The following CDH9 variants were observed in gnomAD, a reference collection of about 807,000 sequenced individuals.
The protein encoded by CDH9 is cadherin-9.
A neutral mutation model predicts 70.9 loss-of-function variants in CDH9; 28 were observed. The observed-to-expected ratio is 0.40, with a 90% CI of 0.29 to 0.54. CDH9 has a LOEUF of 0.54. Among genes scored for constraint, CDH9 ranks in the 20% least tolerant of loss-of-function variants. The pLI is 0.59. For missense variants in CDH9, 874 were observed against 984.4 expected (o/e 0.89, Z 1.50); for synonymous variants, 409 against 343.1 (o/e 1.19, Z -2.12).
chr5:26,979,008 C>T (rs180941270), intron 2 of CDH9, among the ~76,000 whole-genome samples: 8 of 151,708 alleles, frequency 5.3e-5, no homozygotes, highest in Admixed American at 6.6e-5. Flanking sequence ...TGAAAGAATC[C>T]TTCAAGTTGA....
intron 3 of CDH9, among the ~76,000 whole-genome samples, chr5:26,915,414 C>T (rs1741131116): frequency 6.6e-6 from 1 of 151,856 alleles, no homozygotes; most frequent in African/African-American, 2.4e-5. Context: ...AATGAATTAA[C>T]TGCTATTGAT....
chr5:27,035,359 C>A (rs1401849011), intron 1 of CDH9, among the ~76,000 whole-genome samples: 1 of 151,350 alleles, frequency 6.6e-6, no homozygotes, highest in African/African-American at 2.4e-5. Flanking sequence ...TTCGGGATAT[C>A]TTTGTAAAGA....
At chr5:26,944,544 T>C (rs1249569472) in intron 2 of CDH9, among the ~76,000 whole-genome samples, 1 of 152,072 alleles carries the variant, frequency 6.6e-6, no homozygotes, top group Non-Finnish European at 1.5e-5. Flanking sequence ...TTCCAGCTAC[T>C]CAGGAGCCTG....
In CDH9 at chr5:26,907,081, T is replaced by C. The variant is rs558783733; in HGVS notation, c.524-243A>G. On this transcript the variant is annotated intron_variant, in intron 3 of 11. Transcript: ENST00000231021. ...CAAAATATATTATCAGTAAGGTGAA[T>C]ATAATAAGACTAATTAATGCATCAC... is the stretch of plus-strand genomic sequence containing the variant. 7.2e-5 allele frequency among the ~76,000 whole-genome samples: 11 copies of C among 152,290 alleles called. No homozygotes were observed. In the South Asian group the frequency reaches 1.4e-3, roughly 20 times the overall value.
chr5:27,001,543 A>G (rs1742768282), intron 1 of CDH9, among the ~76,000 whole-genome samples: 1 of 152,140 alleles, frequency 6.6e-6, no homozygotes, highest in African/African-American at 2.4e-5. Flanking sequence ...AAAATCATTT[A>G]TTTTAATATA....
intron 2 of CDH9, among the ~76,000 whole-genome samples, chr5:26,916,920 G>A (rs1321516061): frequency 6.6e-6 from 1 of 151,830 alleles, no homozygotes; most frequent in Non-Finnish European, 1.5e-5. Context: ...TATGAACTAT[G>A]TCTTAGGAAA....
At chr5:26,970,673 C>A (rs983753313) in intron 2 of CDH9, among the ~76,000 whole-genome samples, 1 of 151,918 alleles carries the variant, frequency 6.6e-6, no homozygotes, top group Non-Finnish European at 1.5e-5. Flanking sequence ...GGAATTTATG[C>A]AATTGTAATC....
intron 2 of CDH9, among the ~76,000 whole-genome samples, chr5:26,935,166 A>G (rs1317769266): frequency 6.6e-6 from 1 of 152,168 alleles, no homozygotes; most frequent in Non-Finnish European, 1.5e-5. Context: ...AAAAGTACTT[A>G]ACAGTTTCCA....
At chr5:26,914,714 T>C (rs1487839545) in intron 3 of CDH9, among the ~76,000 whole-genome samples, 1 of 152,042 alleles carries the variant, frequency 6.6e-6, no homozygotes, top group Non-Finnish European at 1.5e-5. Flanking sequence ...TCTCCTTCTA[T>C]AGAAATTATT....
At chr5:27,000,243 A>G (rs1742741279) in intron 1 of CDH9, among the ~76,000 whole-genome samples, 1 of 152,176 alleles carries the variant, frequency 6.6e-6, no homozygotes, top group South Asian at 2.1e-4. Context: ...GAAGATATAC[A>G]TATGAGAAAT....
chr5:27,031,007 T>C (rs1303799639), intron 1 of CDH9, among the ~76,000 whole-genome samples: 3 of 151,870 alleles, frequency 2.0e-5, no homozygotes, highest in Non-Finnish European at 4.4e-5. Context: ...AGGCTAACAT[T>C]GGTTACAAAT....
intron 1 of CDH9, among the ~76,000 whole-genome samples, chr5:27,029,875 G>A (rs1052943506): frequency 5.3e-5 from 8 of 151,860 alleles, no homozygotes; most frequent in Non-Finnish European, 7.4e-5. Context: ...GGCTGACATC[G>A]CTATGACATG....
chr5:26,941,844 A>T (rs1176137159), intron 2 of CDH9, among the ~76,000 whole-genome samples: 2 of 152,176 alleles, frequency 1.3e-5, no homozygotes, highest in Admixed American at 6.5e-5. Context: ...TATTTCTTAC[A>T]GTTATGGAGG....
chr5:26,968,355 G>A (rs13357379), intron 2 of CDH9, among the ~76,000 whole-genome samples: 4,799 of 151,810 alleles, frequency 0.032, 268 homozygotes, highest in African/African-American at 0.11. Context: ...GCGCAATCTC[G>A]GCTCACTGCA....
In CDH9 at chr5:26,890,385, TGATGAAAGACAGTGTCTTCGGGTA is replaced by T. The variant is rs1289239633; in HGVS notation, c.1390+19_1390+42del. ...AGCTGGTGCTATTATTTTACCACTT[TGATGAAAGACAGTGTCTTCGGGTA>T]GATGTAGCTCCAACTTACTTATTTC... On this transcript the variant is annotated intron_variant, in intron 8 of 11. Transcript: ENST00000231021. The T allele has an allele frequency of 6.4e-7, 1 of 1,573,286 alleles. No individual in the cohort carries two copies. Among genetic ancestry groups the T allele is most frequent in the Non-Finnish European group, 8.7e-7 (1 of 1,144,304 alleles).
At position 26,906,942 on chromosome 5, in the gene CDH9, G is replaced by A. The variant is rs1046079001; in HGVS notation, c.524-104C>T. On this transcript the variant is annotated intron_variant, in intron 3 of 11. Coordinates refer to ENST00000231021, the MANE Select transcript of CDH9 (RefSeq NM_016279.4). ...CTCTCAGTGTTTTGTATTAGACGAT[G>A]TTGTATGTTTGAAGAAATTTATTTA... is the stretch of plus-strand genomic sequence containing the variant. The A allele has an allele frequency of 1.0e-5, 14 of 1,340,826 alleles. No homozygotes were observed. The African/African-American group carries it at 1.8e-4, about 17-fold the overall frequency. The allele number at this position is 1,340,826 out of a possible 1,614,324, so 83.1% of individuals were successfully genotyped here. A position where few individuals can be genotyped will look rare whatever the true frequency, so the allele number is the denominator to read the frequency against.
intron 2 of CDH9, among the ~76,000 whole-genome samples, chr5:26,983,383 ACTG>A (rs1240951286): frequency 6.6e-6 from 1 of 152,190 alleles, no homozygotes; most frequent in Admixed American, 6.5e-5. Flanking sequence ...TATTGTATAA[ACTG>A]CTTCTGATCA....
At chr5:26,923,236 AAAC>A (rs143075955) in intron 2 of CDH9, among the ~76,000 whole-genome samples, 45,601 of 151,046 alleles carry the variant, frequency 0.3, 8,937 homozygotes, top group Non-Finnish European at 0.44. Context: ...ATGCCAGTAA[AAAC>A]AACAACAACA....
At chr5:26,884,792 A>G (rs531888268) in intron 11 of CDH9, among the ~76,000 whole-genome samples, 1 of 152,284 alleles carries the variant, frequency 6.6e-6, no homozygotes, top group South Asian at 2.1e-4. Context: ...ATTTGGGCTG[A>G]ATATTTGATA....
Sources: allele counts gnomAD v4.1 joint callset (sites outside exome capture counted in the v4.1 genomes callset), GRCh38; gene constraint gnomAD v4.1.1; transcripts MANE v1.5; gene names NCBI Gene and HGNC (gene_info 2026-07-23, HGNC 2026-07-21).